Variants in ANO2 observed in about 807,000 individuals in gnomAD.
The protein encoded by ANO2 is anoctamin 2.
ANO2 carries 101 observed loss-of-function variants against 124.2 expected under a neutral mutation model. The ratio of observed to expected loss-of-function variants is 0.81; its 90% CI spans 0.69 to 0.96. The LOEUF (loss-of-function observed/expected upper bound fraction) is 0.96, where lower values mean the gene tolerates loss of function less well. ANO2 is among the 40% of genes least tolerant of loss of function. The pLI, the probability that ANO2 is intolerant of heterozygous loss-of-function variation, is 0.00. For missense variants in ANO2, 1,293 were observed against 1,274.5 expected (o/e 1.01, Z -0.22); for synonymous variants, 486 against 482.5 (o/e 1.01, Z -0.09).
chr12:5,734,977 T>C (rs73253247), intron 13 of ANO2, among the ~76,000 whole-genome samples: 21,795 of 152,186 alleles, frequency 0.14, 1,630 homozygotes, highest in Middle Eastern at 0.22. Flanking sequence ...AAAGCAAGCC[T>C]AGCTTCCTAA....
chr12:5,864,814 G>A (rs1051656379), intron 3 of ANO2, among the ~76,000 whole-genome samples: 2 of 152,142 alleles, frequency 1.3e-5, no homozygotes, highest in African/African-American at 4.8e-5. Flanking sequence ...ATCAACCTGT[G>A]AGCACCACTA....
intron 10 of ANO2, among the ~76,000 whole-genome samples, chr12:5,797,480 G>T (rs1325995035): frequency 2.6e-5 from 4 of 152,178 alleles, no homozygotes; most frequent in Admixed American, 6.5e-5. Flanking sequence ...AGTTTGGTGT[G>T]CTCACTGAGT....
intron 7 of ANO2, among the ~76,000 whole-genome samples, chr12:5,814,950 T>C (rs1292354398): frequency 1.3e-5 from 2 of 152,236 alleles, no homozygotes; most frequent in African/African-American, 4.8e-5. Flanking sequence ...GCTACTTTGC[T>C]GGCAGTTTAA....
intron 14 of ANO2, among the ~76,000 whole-genome samples, chr12:5,662,274 A>T (rs1338449939): frequency 6.6e-6 from 1 of 152,242 alleles, no homozygotes; most frequent in African/African-American, 2.4e-5. Context: ...ATTGGGTTTT[A>T]AAATTCCTCA....
intron 7 of ANO2, among the ~76,000 whole-genome samples, chr12:5,826,331 G>A (rs1267007999): frequency 4.6e-5 from 7 of 151,918 alleles, no homozygotes; most frequent in Non-Finnish European, 8.8e-5. Flanking sequence ...ACTGAGTGTC[G>A]ACTTGATTGG....
intron 10 of ANO2, among the ~76,000 whole-genome samples, chr12:5,766,949 G>A (rs1324607700): frequency 1.3e-5 from 2 of 152,226 alleles, no homozygotes; most frequent in Non-Finnish European, 2.9e-5. Flanking sequence ...GCATTCGGCA[G>A]CACAGCCCAA....
intron 14 of ANO2, among the ~76,000 whole-genome samples, chr12:5,656,071 A>T (rs1010037699): frequency 6.6e-6 from 1 of 152,190 alleles, no homozygotes; most frequent in Non-Finnish European, 1.5e-5. Flanking sequence ...CCAACACTGC[A>T]GATGATAAGG....
At chr12:5,588,012 T>G (rs577717172) in intron 20 of ANO2, among the ~76,000 whole-genome samples, 1 of 152,360 alleles carries the variant, frequency 6.6e-6, no homozygotes, top group South Asian at 2.1e-4. Flanking sequence ...CTCAGCGCAC[T>G]TCCTGTCTGC....
At chr12:5,911,446 C>G (rs780223278) in intron 3 of ANO2, among the ~76,000 whole-genome samples, 1 of 152,186 alleles carries the variant, frequency 6.6e-6, no homozygotes, top group Non-Finnish European at 1.5e-5. Context: ...CCCAAAACAT[C>G]TAGCAGTGCC....
intron 14 of ANO2, among the ~76,000 whole-genome samples, chr12:5,731,877 A>C (rs1162507348): frequency 6.6e-6 from 1 of 152,158 alleles, no homozygotes; most frequent in Non-Finnish European, 1.5e-5. Flanking sequence ...AAATACAGGC[A>C]TGTATTTGCC....
At chr12:5,657,929 C>T (rs2136968256) in intron 14 of ANO2, among the ~76,000 whole-genome samples, 1 of 152,210 alleles carries the variant, frequency 6.6e-6, no homozygotes, top group African/African-American at 2.4e-5. Context: ...GACTTCAGGC[C>T]ACCTTAGCCC....
chr12:5,694,028 C>G (rs550491680), intron 14 of ANO2, among the ~76,000 whole-genome samples: 1 of 152,192 alleles, frequency 6.6e-6, no homozygotes, highest in South Asian at 2.1e-4. Context: ...CTGCAAACCC[C>G]TTGAGAGCAG....
intron 14 of ANO2, among the ~76,000 whole-genome samples, chr12:5,704,152 T>C (rs1949512112): frequency 6.6e-6 from 1 of 152,084 alleles, no homozygotes; most frequent in Non-Finnish European, 1.5e-5. Flanking sequence ...GAAGAGGGAC[T>C]CTTCAGCATA....
chr12:5,893,657 C>T (rs1203772970), intron 3 of ANO2, among the ~76,000 whole-genome samples: 2 of 149,648 alleles, frequency 1.3e-5, no homozygotes, highest in Non-Finnish European at 3.0e-5. Context: ...CACCCCACAA[C>T]AGGCCCCAGT....
intron 19 of ANO2, among the ~76,000 whole-genome samples, chr12:5,608,209 C>A (rs1944312740): frequency 1.3e-5 from 2 of 151,484 alleles, no homozygotes; most frequent in Admixed American, 1.3e-4. Flanking sequence ...TCATCTGTGT[C>A]ATCCATGCCA....
At chr12:5,791,801 T>C (rs1424645777) in intron 10 of ANO2, among the ~76,000 whole-genome samples, 1 of 152,220 alleles carries the variant, frequency 6.6e-6, no homozygotes, top group African/African-American at 2.4e-5. Context: ...TGATTTACAG[T>C]AATACAATAT....
At chr12:5,646,013 T>C (rs1432270678) in intron 15 of ANO2, among the ~76,000 whole-genome samples, 1 of 152,258 alleles carries the variant, frequency 6.6e-6, no homozygotes, top group Non-Finnish European at 1.5e-5. Flanking sequence ...AAGTTTTTTC[T>C]GCAGTCTCAT....
intron 19 of ANO2, among the ~76,000 whole-genome samples, chr12:5,611,361 G>A (rs772700791): frequency 2.0e-4 from 31 of 151,900 alleles, no homozygotes; most frequent in Admixed American, 9.9e-4. Flanking sequence ...TAGAATATGC[G>A]GTTATATGCA....
At chr12:5,800,537 G>A (rs943948378) in intron 9 of ANO2, among the ~76,000 whole-genome samples, 1 of 152,196 alleles carries the variant, frequency 6.6e-6, no homozygotes, top group African/African-American at 2.4e-5. Flanking sequence ...CACCATGGGG[G>A]CAGCAGCAGA....
Sources: allele counts gnomAD v4.1 joint callset (sites outside exome capture counted in the v4.1 genomes callset), GRCh38; gene constraint gnomAD v4.1.1; transcripts MANE v1.5; gene names NCBI Gene and HGNC (gene_info 2026-07-23, HGNC 2026-07-21).